Variants in ADGRA2 observed in about 807,000 individuals in gnomAD.
The protein encoded by ADGRA2 is adhesion G protein-coupled receptor A2, also known as G-protein coupled receptor 124.
Under a neutral mutation model 98.7 loss-of-function variants are expected in ADGRA2, and 61 were observed. That is an observed-to-expected ratio of 0.62 (90% CI 0.50 to 0.76). The LOEUF is 0.76. Among genes scored for constraint, ADGRA2 ranks in the 30% least tolerant of loss-of-function variants. The probability of loss-of-function intolerance (pLI) is 0.00; values close to 1 mark genes in which losing one functional copy is unlikely to be tolerated. For synonymous variants in ADGRA2, 858 were observed against 831.5 expected (o/e 1.03, Z -0.55); for missense variants, 1,712 against 1,860.0 (o/e 0.92, Z 1.46).
intron 14 of ADGRA2, 120 bp from the exon 15 acceptor site, chr8:37,838,836 A>G (rs1805697035): frequency 1.6e-6 from 2 of 1,220,898 alleles, no homozygotes; most frequent in East Asian, 2.5e-5. Context: ...CTCCCTGCCC[A>G]GATGAACTAA....
In ADGRA2 at chr8:37,842,429, T is replaced by C; in HGVS notation, c.*74T>C. 7.2e-7 allele frequency: 1 copy of C among 1,396,084 alleles called. No homozygotes were observed. Among genetic ancestry groups the C allele is most frequent in the Non-Finnish European group, 9.3e-7 (1 of 1,075,168 alleles). 86.5% of individuals were successfully genotyped at this position (1,396,084 alleles called of 1,614,324 possible). On this transcript the variant is annotated 3_prime_UTR_variant, in exon 19 of 19. Transcript: ENST00000412232. ...CCGCTCCTCGGGGCCCTCCAAGGTGTCTCCGTAGTCAGCAGGTTGGAGGCA... is the reference window on the plus strand; with the variant it reads ...CCGCTCCTCGGGGCCCTCCAAGGTGCCTCCGTAGTCAGCAGGTTGGAGGCA...
intron 2 of ADGRA2, among the ~76,000 whole-genome samples, chr8:37,815,255 A>C (rs1804944784): frequency 6.6e-6 from 1 of 152,216 alleles, no homozygotes; most frequent in Non-Finnish European, 1.5e-5. Flanking sequence ...ATTAGCTGTG[A>C]GGGCCGAGCT....
intron 1 of ADGRA2, among the ~76,000 whole-genome samples, chr8:37,806,526 CTT>C (rs533491458): frequency 8.0e-5 from 8 of 100,340 alleles, no homozygotes; most frequent in East Asian, 2.5e-4. Context: ...TTTTCTTTTT[CTT>C]TTTTTTTTTT....
In ADGRA2 at chr8:37,797,104, G is replaced by C. The variant is rs1372035129; in HGVS notation, c.-165G>C. ...CGGGGCGCTCGCAGGACATGCCCCC[G>C]GGGCGCGGCGGCGGGGACCCCGGGG... On this transcript the variant is annotated 5_prime_UTR_variant, in exon 1 of 19. Transcript: ENST00000412232. The surrounding 1 kb of genome is among the most constrained non-coding windows in gnomAD (Gnocchi z 5.3). 12 of 331,042 alleles carry C rather than the reference G, an allele frequency of 3.6e-5. No homozygotes were observed. The highest frequency in any genetic ancestry group is 5.3e-5 in the Non-Finnish European group (11 of 205,818). 20.5% of individuals were successfully genotyped at this position (331,042 alleles called of 1,614,324 possible). A position where few individuals can be genotyped will look rare whatever the true frequency, so the allele number is the denominator to read the frequency against.
At position 37,844,398 on chromosome 8, in the gene ADGRA2, A is replaced by C. The variant is rs1373779769; in HGVS notation, c.*2043A>C. 3.3e-6 allele frequency: 5 copies of C among 1,505,408 alleles called. No individual in the cohort carries two copies. In the East Asian group the frequency reaches 1.1e-4, roughly 34 times the overall value. The allele number at this position is 1,505,408 out of a possible 1,614,324, so 93.3% of individuals were successfully genotyped here. A position where few individuals can be genotyped will look rare whatever the true frequency, so the allele number is the denominator to read the frequency against. ...GGTTCCTTCAAACAAGAAAAGCAAT[A>C]CCTACGGACTGGTGTACACTTCCAT... On this transcript the variant is annotated 3_prime_UTR_variant, in exon 19 of 19. Coordinates refer to ENST00000412232, the MANE Select transcript of ADGRA2 (RefSeq NM_032777.10).
rs1385806601 is a variant in ADGRA2 at position 37,841,662 on chromosome 8, G to A, written c.3324G>A (p.Pro1108=). The A allele has an allele frequency of 1.0e-5, 16 of 1,528,328 alleles. No individual in the cohort carries two copies. The highest frequency in any genetic ancestry group is 1.4e-5 in the African/African-American group (1 of 72,714). 94.7% of individuals were successfully genotyped at this position (1,528,328 alleles called of 1,614,324 possible). A position where few individuals can be genotyped will look rare whatever the true frequency, so the allele number is the denominator to read the frequency against. Residue 1108 remains proline (P), a synonymous_variant, in exon 19 of 19, where the codon CCG becomes CCA. Coordinates refer to ENST00000412232, the MANE Select transcript of ADGRA2 (RefSeq NM_032777.10). The surrounding 1 kb of genome is among the most constrained non-coding windows in gnomAD (Gnocchi z 5.0). ...ALPAAAEDGS[P]VFGEGPPSLK... is the part of the protein sequence containing the mutation. ...CCGCCGCCGCAGAGGACGGTTCCCC[G>A]GTGTTCGGGGAGGGCCCCCCCTCCC...
intron 2 of ADGRA2, among the ~76,000 whole-genome samples, chr8:37,823,113 G>A (rs560128838): frequency 1.4e-4 from 21 of 151,288 alleles, no homozygotes; most frequent in Admixed American, 1.1e-3. Context: ...GGCTGGTCTC[G>A]AACTCCTGAC....
chr8:37,839,722 A>G, intron 16 of ADGRA2, 100 bp downstream of exon 16: 1 of 1,453,882 alleles, frequency 6.9e-7, no homozygotes, highest in East Asian at 2.3e-5. Flanking sequence ...GCTGGTGCTC[A>G]TAGGCCGTGG....
Position 37,834,033 on chromosome 8 carries a change from G to A in ADGRA2, c.1513G>A (p.Ala505Thr). ...GGTGGACGAGCACCTGCTGTGGCTGGCCCAGCGCGAGGACAAGGCCTGCAG... is the reference window on the plus strand; with the variant it reads ...GGTGGACGAGCACCTGCTGTGGCTGACCCAGCGCGAGGACAAGGCCTGCAG... ...MLVDEHLLWLAQREDKACSRI... is the reference protein window; with the variant it reads ...MLVDEHLLWLTQREDKACSRI... The change falls in exon 11 of 19, where the codon GCC (alanine) becomes ACC (threonine). Residue 505 changes from alanine (A) to threonine (T), a missense_variant. Physicochemically the swap from Ala to Thr is moderately conservative, Grantham distance 58. Transcript: ENST00000412232. This position sits in a 1 kb window ranked among gnomAD's most constrained non-coding sequence, Gnocchi z 4.2. The A allele has an allele frequency of 6.2e-7, 1 of 1,613,000 alleles. No individual in the cohort carries two copies. The highest frequency in any genetic ancestry group is 8.5e-7 in the Non-Finnish European group (1 of 1,179,940).
At position 37,830,610 on chromosome 8, in the gene ADGRA2, G is replaced by GCCGCC; in HGVS notation, c.719-98_719-97insGCCCC. 3 of 579,886 alleles carry GCCGCC rather than the reference G, an allele frequency of 5.2e-6. No homozygotes were observed. The highest frequency in any genetic ancestry group is 9.5e-6 in the Non-Finnish European group (3 of 315,942). 35.9% of individuals were successfully genotyped at this position (579,886 alleles called of 1,614,324 possible). A position where few individuals can be genotyped will look rare whatever the true frequency, so the allele number is the denominator to read the frequency against. On this transcript the variant is annotated intron_variant, in intron 6 of 18. Coordinates refer to ENST00000412232, the MANE Select transcript of ADGRA2 (RefSeq NM_032777.10). This position sits in a 1 kb window ranked among gnomAD's most constrained non-coding sequence, Gnocchi z 4.8. ...AGCTGGAGCAGGCTGCAGGCCGAGGGCCCCGCCCCGCCCCACCCCATCCTG... is the reference window on the plus strand; with the variant it reads ...AGCTGGAGCAGGCTGCAGGCCGAGGGCCGCCCCCCGCCCCGCCCCACCCCATCCTG...
In ADGRA2 at chr8:37,814,281, GC is replaced by G. The variant is rs1288083253; in HGVS notation, c.267-614del. ...GCGCAGAGGCTGAGGCTGAGGCCTGGCTTCCCCTACACTCGGGGCTCCATTG... is the reference window on the plus strand; with the variant it reads ...GCGCAGAGGCTGAGGCTGAGGCCTGGTTCCCCTACACTCGGGGCTCCATTG... On this transcript the variant is annotated intron_variant, in intron 1 of 18. Coordinates refer to ENST00000412232, the MANE Select transcript of ADGRA2 (RefSeq NM_032777.10). This position sits in a 1 kb window ranked among gnomAD's most constrained non-coding sequence, Gnocchi z 4.3. Among the ~76,000 whole-genome samples the G allele has an allele frequency of 6.6e-6, 1 of 152,158 alleles. No homozygotes were observed. Among genetic ancestry groups the G allele is most frequent in the Non-Finnish European group, 1.5e-5 (1 of 68,022 alleles).
At position 37,797,093 on chromosome 8, in the gene ADGRA2, G is replaced by A. The variant is rs1804346803; in HGVS notation, c.-176G>A. The A allele has an allele frequency of 3.4e-6, 1 of 291,012 alleles. No homozygotes were observed. The allele number at this position is 291,012 out of a possible 1,614,324, so 18.0% of individuals were successfully genotyped here. On this transcript the variant is annotated 5_prime_UTR_variant, in exon 1 of 19. Transcript: ENST00000412232. The surrounding 1 kb of genome is among the most constrained non-coding windows in gnomAD (Gnocchi z 5.3). ...GTCCTCCCCGCCGGGGCGCTCGCAG[G>A]ACATGCCCCCGGGGCGCGGCGGCGG...
chr8:37,805,900 C>CT (rs779456482), intron 1 of ADGRA2, among the ~76,000 whole-genome samples: 52 of 151,654 alleles, frequency 3.4e-4, no homozygotes, highest in Non-Finnish European at 5.9e-4. Flanking sequence ...CAAACAAACA[C>CT]TTTTTTTTGT....
In ADGRA2 at chr8:37,797,293, CG is replaced by C. The variant is rs1289091540; in HGVS notation, c.31del (p.Ala11ArgfsTer44). 6 of 1,307,592 alleles carry C rather than the reference CG, an allele frequency of 4.6e-6. No homozygotes were observed. The highest frequency in any genetic ancestry group is 4.8e-6 in the Non-Finnish European group (5 of 1,035,368). 81.0% of individuals were successfully genotyped at this position (1,307,592 alleles called of 1,614,324 possible). A position where few individuals can be genotyped will look rare whatever the true frequency, so the allele number is the denominator to read the frequency against. On this transcript the variant is annotated frameshift_variant, in exon 1 of 19. Transcript: ENST00000412232. LOFTEE classifies it high-confidence loss of function. This position sits in a 1 kb window ranked among gnomAD's most constrained non-coding sequence, Gnocchi z 5.3. MGAGGRRM[R>X]GAPARLLLPL... The stretch of plus-strand genomic sequence containing the variant: ...GATGGGCGCCGGGGGACGCAGGATG[CG>C]GGGGGCGCCCGCGCGCCTGCTGCTG...
chr8:37,826,783 T>C (rs1805296295), intron 2 of ADGRA2, among the ~76,000 whole-genome samples: 1 of 152,126 alleles, frequency 6.6e-6, no homozygotes, highest in South Asian at 2.1e-4. Flanking sequence ...CCAGAGACGT[T>C]GATGAGGTTG....
chr8:37,803,699 ACT>A (rs1357961107), intron 1 of ADGRA2, among the ~76,000 whole-genome samples: 1 of 151,794 alleles, frequency 6.6e-6, no homozygotes, highest in Admixed American at 6.6e-5. Context: ...CTCCCAGGAC[ACT>A]CTCAGCTCTC....
intron 1 of ADGRA2, among the ~76,000 whole-genome samples, chr8:37,801,666 T>C (rs1474405549): frequency 6.6e-6 from 1 of 152,192 alleles, no homozygotes. Context: ...CGGCCTGGGC[T>C]CCAAAGGATC....
chr8:37,810,419 G>A (rs1007854122), intron 1 of ADGRA2, among the ~76,000 whole-genome samples: 1 of 152,006 alleles, frequency 6.6e-6, no homozygotes, highest in Non-Finnish European at 1.5e-5. Flanking sequence ...GGCAGTAGGA[G>A]AATCGCTTGA....
rs899742474 is a variant in ADGRA2 at position 37,802,083 on chromosome 8, C to T, written c.266+4549C>T. 6.6e-6 allele frequency among the ~76,000 whole-genome samples: 1 copy of T among 152,220 alleles called. No individual in the cohort carries two copies. The highest frequency in any genetic ancestry group is 2.4e-5 in the African/African-American group (1 of 41,446). The stretch of plus-strand genomic sequence containing the variant: ...AGGTGTGCCTAGCACGGGCTGGGTT[C>T]TTCTGCTGGGATTTCAGTGGTCTTT... On this transcript the variant is annotated intron_variant, in intron 1 of 18. Coordinates refer to ENST00000412232, the MANE Select transcript of ADGRA2 (RefSeq NM_032777.10). This position sits in a 1 kb window ranked among gnomAD's most constrained non-coding sequence, Gnocchi z 4.7.
Sources: allele counts gnomAD v4.1 joint callset (sites outside exome capture counted in the v4.1 genomes callset), GRCh38; gene constraint gnomAD v4.1.1; non-coding constraint Gnocchi (gnomAD v3.1); transcripts MANE v1.5; gene names NCBI Gene and HGNC (gene_info 2026-07-23, HGNC 2026-07-21).